The following TBC1D19 variants were observed in gnomAD, a reference collection of about 807,000 sequenced individuals.
The protein encoded by TBC1D19 is TBC1 domain family, member 19.
Under a neutral mutation model 89.0 loss-of-function variants are expected in TBC1D19, and 60 were observed. The observed-to-expected ratio is 0.67, with a 90% confidence interval of 0.55 to 0.84. The LOEUF is 0.84. TBC1D19 is among the 40% of genes least tolerant of loss of function. The pLI, the probability that TBC1D19 is intolerant of heterozygous loss-of-function variation, is 0.00. For missense variants in TBC1D19, 500 were observed against 610.8 expected (o/e 0.82, Z 1.91); for synonymous variants, 189 against 199.7 (o/e 0.95, Z 0.45).
the TBC1D19 span, among the ~76,000 whole-genome samples, chr4:26,800,592 CA>C: frequency 1.3e-5 from 2 of 152,280 alleles, no homozygotes; most frequent in South Asian, 2.1e-4. Flanking sequence ...CTGACTTCCG[CA>C]ATGGTTGAAC....
intron 7 of TBC1D19, among the ~76,000 whole-genome samples, chr4:26,646,175 A>T (rs572805889): frequency 2.6e-5 from 4 of 151,824 alleles, no homozygotes; most frequent in Non-Finnish European, 5.9e-5. Flanking sequence ...GACACTTTTC[A>T]AAAGAAGACA....
At chr4:26,826,309 CT>C in the TBC1D19 span, among the ~76,000 whole-genome samples, 1 of 152,182 alleles carries the variant, frequency 6.6e-6, no homozygotes, top group African/African-American at 2.4e-5. Context: ...CATTGTTTAA[CT>C]CTAGTATCAG....
At chr4:26,629,560 A>G (rs1742660973) in intron 4 of TBC1D19, among the ~76,000 whole-genome samples, 1 of 152,102 alleles carries the variant, frequency 6.6e-6, no homozygotes, top group African/African-American at 2.4e-5. Context: ...CCTAGAAAAT[A>G]TTCAGACCCT....
the TBC1D19 span, among the ~76,000 whole-genome samples, chr4:26,767,544 C>A: frequency 6.6e-6 from 1 of 152,114 alleles, no homozygotes; most frequent in Non-Finnish European, 1.5e-5. Flanking sequence ...GTAGCTCTCT[C>A]CCCTCTCACT....
At chr4:26,640,643 C>T (rs1488939886) in intron 7 of TBC1D19, among the ~76,000 whole-genome samples, 2 of 152,198 alleles carry the variant, frequency 1.3e-5, no homozygotes, top group Non-Finnish European at 2.9e-5. Context: ...GGGGATTTCC[C>T]TTTCTGACCC....
At chr4:26,596,866 T>G (rs1740256291) in intron 1 of TBC1D19, among the ~76,000 whole-genome samples, 1 of 152,210 alleles carries the variant, frequency 6.6e-6, no homozygotes, top group African/African-American at 2.4e-5. Context: ...TATTTTGAAG[T>G]ATATTGCTTA....
chr4:26,624,812 A>G (rs893757269), intron 4 of TBC1D19, among the ~76,000 whole-genome samples: 3 of 152,132 alleles, frequency 2.0e-5, no homozygotes, highest in Non-Finnish European at 4.4e-5. Flanking sequence ...AGGTTTAGTA[A>G]TTGAAATAAG....
chr4:26,647,231 A>G (rs767133447), intron 7 of TBC1D19, among the ~76,000 whole-genome samples: 3 of 152,234 alleles, frequency 2.0e-5, no homozygotes, highest in Non-Finnish European at 4.4e-5. Flanking sequence ...GTTACTTGAC[A>G]TGAGATAGAG....
the TBC1D19 span, among the ~76,000 whole-genome samples, chr4:26,796,883 G>A: frequency 6.6e-6 from 1 of 152,074 alleles, no homozygotes; most frequent in Admixed American, 6.6e-5. Context: ...ACTTTTGGAG[G>A]TTATAGAAAT....
the TBC1D19 span, among the ~76,000 whole-genome samples, chr4:26,776,964 A>G: frequency 1.3e-5 from 2 of 152,006 alleles, no homozygotes; most frequent in African/African-American, 4.8e-5. Flanking sequence ...GTGCTCTTTC[A>G]ATATGTAATT....
chr4:26,606,246 A>C (rs1267212088), intron 1 of TBC1D19, among the ~76,000 whole-genome samples: 1 of 152,226 alleles, frequency 6.6e-6, no homozygotes, highest in Non-Finnish European at 1.5e-5. Flanking sequence ...GAGGCCAGTT[A>C]AGAAACTACA....
chr4:26,609,919 G>A (rs1050733770), intron 1 of TBC1D19, among the ~76,000 whole-genome samples: 4 of 152,102 alleles, frequency 2.6e-5, no homozygotes, highest in African/African-American at 7.2e-5. Flanking sequence ...GGAGCTTACC[G>A]CTTGCAATGT....
At chr4:26,606,414 G>A (rs908412827) in intron 1 of TBC1D19, among the ~76,000 whole-genome samples, 1 of 152,124 alleles carries the variant, frequency 6.6e-6, no homozygotes, top group Non-Finnish European at 1.5e-5. Flanking sequence ...TCTTCAAATA[G>A]GAAGCTATCT....
At chr4:26,767,468 A>G in the TBC1D19 span, among the ~76,000 whole-genome samples, 1 of 152,106 alleles carries the variant, frequency 6.6e-6, no homozygotes, top group Admixed American at 6.6e-5. Context: ...CTCCAATGTG[A>G]TGGTATAGAA....
the TBC1D19 span, among the ~76,000 whole-genome samples, chr4:26,831,772 T>C: frequency 6.6e-6 from 1 of 152,122 alleles, no homozygotes; most frequent in African/African-American, 2.4e-5. Context: ...TTTGTATTTT[T>C]AGTAGAGACG....
At chr4:26,821,374 C>T in the TBC1D19 span, among the ~76,000 whole-genome samples, 1 of 152,170 alleles carries the variant, frequency 6.6e-6, no homozygotes, top group Non-Finnish European at 1.5e-5. Context: ...ACAAAATCTA[C>T]CATTAACATT....
chr4:26,712,130 T>C (rs938974435), intron 13 of TBC1D19, among the ~76,000 whole-genome samples: 3 of 152,126 alleles, frequency 2.0e-5, no homozygotes, highest in African/African-American at 7.2e-5. Context: ...CTCTAGGCAA[T>C]AGTAGAAAGT....
chr4:26,615,455 C>CT (rs35104373), intron 3 of TBC1D19, among the ~76,000 whole-genome samples: 65,891 of 145,560 alleles, frequency 0.45, 16,118 homozygotes, highest in Admixed American at 0.6. Context: ...TGCACGTCTG[C>CT]TTTTTTTTTT....
At chr4:26,661,240 A>G (rs916456680) in intron 8 of TBC1D19, among the ~76,000 whole-genome samples, 1 of 152,298 alleles carries the variant, frequency 6.6e-6, no homozygotes. Context: ...GGAATGAGCT[A>G]TTGAAAACAG....
Sources: gnomAD v4.1 joint callset for allele counts (sites outside exome capture counted in the v4.1 genomes callset) on GRCh38, gnomAD v4.1.1 for gene constraint, MANE v1.5 for transcripts, NCBI Gene and HGNC (gene_info 2026-07-23, HGNC 2026-07-21) for gene names.